Variants in SUSD3 observed in about 807,000 individuals in gnomAD.
SUSD3 encodes the protein sushi domain-containing protein 3.
In SUSD3, 18 loss-of-function variants were observed where a neutral mutation model predicts 20.6. The ratio of observed to expected loss-of-function variants is 0.87; its 90% CI spans 0.60 to 1.30. The LOEUF (loss-of-function observed/expected upper bound fraction) is 1.30, where lower values mean the gene tolerates loss of function less well. Among genes scored for constraint, SUSD3 ranks in the 50% most tolerant of loss-of-function variants. SUSD3 has a pLI of 0.00. For synonymous variants in SUSD3, 137 were observed against 141.5 expected, an observed-to-expected ratio of 0.97 and a Z score of 0.23; for missense variants, 306 against 346.9, an observed-to-expected ratio of 0.88 and a Z score of 0.94.
rs1416627663 is a variant in SUSD3, at chr9:93,078,141, C to T, written c.425+148C>T. ...CTGCTGCTCTGGGCCTGCGTCTCCC[C>T]CCCAAGTGCTGCTCCCGGCCCACGC... On this transcript the variant is annotated intron_variant, in intron 3 of 4. Transcript: ENST00000375472. 5 of 1,135,204 alleles carry T rather than the reference C, an allele frequency of 4.4e-6. No individual in the cohort carries two copies. The African/African-American group carries it at 4.6e-5, about 11-fold the overall frequency. The allele number at this position is 1,135,204 out of a possible 1,614,324, so 70.3% of individuals were successfully genotyped here.
Position 93,066,442 on chromosome 9 carries a change from C to T in SUSD3, c.88+7612C>T, listed in dbSNP as rs539770549. ...AGAGACAGGTTTTCACCATATTGGT[C>T]AGGCGGGTCTCAAACTGCTGACCTC... On this transcript the variant is annotated intron_variant, in intron 1 of 4. Transcript: ENST00000375472. 3.4e-4 allele frequency among the ~76,000 whole-genome samples: 52 copies of T among 152,296 alleles called. No individual in the cohort carries two copies. The South Asian group carries it at 9.5e-3, about 28-fold the overall frequency.
At chr9:93,064,768 A>G (rs968174738) in intron 1 of SUSD3, among the ~76,000 whole-genome samples, 5 of 152,138 alleles carry the variant, frequency 3.3e-5, no homozygotes, top group African/African-American at 9.7e-5. Flanking sequence ...TCATCATTTC[A>G]TCCAGTCCTC....
chr9:93,070,204 T>A (rs1173142826), intron 1 of SUSD3, among the ~76,000 whole-genome samples: 1 of 152,244 alleles, frequency 6.6e-6, no homozygotes, highest in Non-Finnish European at 1.5e-5. Flanking sequence ...GTTACAAATA[T>A]AAGAATCTTA....
intron 1 of SUSD3, among the ~76,000 whole-genome samples, chr9:93,066,841 T>G (rs1825735486): frequency 6.6e-6 from 1 of 152,058 alleles, no homozygotes; most frequent in Non-Finnish European, 1.5e-5. Context: ...CCTGAGTAGC[T>G]GGATTACAGG....
chr9:93,081,377 G>A (rs1419049934), intron 4 of SUSD3, among the ~76,000 whole-genome samples: 6 of 152,126 alleles, frequency 3.9e-5, no homozygotes, highest in Non-Finnish European at 8.8e-5. Flanking sequence ...AGTGCACTTG[G>A]TCCCAGCCCT....
intron 1 of SUSD3, among the ~76,000 whole-genome samples, chr9:93,069,734 T>C (rs1298046972): frequency 6.6e-6 from 1 of 152,162 alleles, no homozygotes; most frequent in African/African-American, 2.4e-5. Context: ...TTTCTACATA[T>C]ATACGAAATC....
intron 1 of SUSD3, among the ~76,000 whole-genome samples, chr9:93,060,341 T>C (rs1275996502): frequency 6.6e-6 from 1 of 152,038 alleles, no homozygotes; most frequent in Non-Finnish European, 1.5e-5. Context: ...TGCCCCAGTT[T>C]CCCCACTGTA....
chr9:93,084,988 C>T lies in SUSD3; in HGVS notation c.*241C>T, dbSNP rs1287484627. 1 of 391,808 alleles carries T rather than the reference C, an allele frequency of 2.6e-6. No homozygotes were observed. Among genetic ancestry groups the T allele is most frequent in the Non-Finnish European group, 4.5e-6 (1 of 221,430 alleles). The allele number at this position is 391,808 out of a possible 1,614,324, so 24.3% of individuals were successfully genotyped here. On this transcript the variant is annotated 3_prime_UTR_variant, in exon 5 of 5. Coordinates refer to ENST00000375472, the MANE Select transcript of SUSD3 (RefSeq NM_145006.4). ...TAACGATTTTTATAGTTATGGACTA[C>T]TTGAAACCACTACTGAGGGTAATTT...
intron 1 of SUSD3, among the ~76,000 whole-genome samples, chr9:93,066,833 T>C (rs1051594585): frequency 2.0e-5 from 3 of 152,078 alleles, no homozygotes; most frequent in Non-Finnish European, 2.9e-5. Flanking sequence ...CTCAGCCTCC[T>C]GAGTAGCTGG....
intron 4 of SUSD3, among the ~76,000 whole-genome samples, chr9:93,082,477 C>T (rs1464582706): frequency 1.3e-5 from 2 of 152,030 alleles, no homozygotes; most frequent in African/African-American, 2.4e-5. Context: ...GCCACCATGC[C>T]CAGCTAATTT....
At chr9:93,074,763 T>A (rs1826060462) in intron 1 of SUSD3, among the ~76,000 whole-genome samples, 1 of 151,718 alleles carries the variant, frequency 6.6e-6, no homozygotes, top group Non-Finnish European at 1.5e-5. Context: ...TACAGGCACA[T>A]GCCACCATGC....
intron 3 of SUSD3, among the ~76,000 whole-genome samples, chr9:93,078,633 A>G (rs1370943459): frequency 3.9e-5 from 6 of 152,162 alleles, no homozygotes; most frequent in African/African-American, 1.2e-4. Flanking sequence ...GGGCTGCCAC[A>G]CACGCCCCCT....
intron 1 of SUSD3, among the ~76,000 whole-genome samples, chr9:93,066,473 C>T (rs925487589): frequency 1.3e-5 from 2 of 152,146 alleles, no homozygotes; most frequent in East Asian, 1.9e-4. Context: ...ACCTCATGAT[C>T]CGCCTGCCTC....
intron 1 of SUSD3, among the ~76,000 whole-genome samples, chr9:93,060,571 C>A (rs962235030): frequency 2.6e-4 from 40 of 152,080 alleles, no homozygotes; most frequent in Non-Finnish European, 4.9e-4. Flanking sequence ...GTGGCTCATG[C>A]CTCTAATCCC....
intron 1 of SUSD3, 31 bp from the exon 2 acceptor site, chr9:93,075,753 C>CA (rs755805300): frequency 3.0e-6 from 1 of 334,096 alleles, no homozygotes; most frequent in South Asian, 3.1e-5. Flanking sequence ...CCCCCCCCCC[C>CA]GCCATGCCTC....
chr9:93,082,723 C>G (rs1826469492), intron 4 of SUSD3, among the ~76,000 whole-genome samples: 1 of 152,192 alleles, frequency 6.6e-6, no homozygotes, highest in Non-Finnish European at 1.5e-5. Context: ...ATTGCCCCAC[C>G]TGTGATCCCC....
Position 93,062,263 on chromosome 9 carries a change from C to T in SUSD3, c.88+3433C>T, listed in dbSNP as rs150225806. Among the ~76,000 whole-genome samples, 701 of 152,306 alleles carry T rather than the reference C, an allele frequency of 4.6e-3. 11 individuals are homozygous for T. Among genetic ancestry groups the T allele is most frequent in the African/African-American group, 0.016 (666 of 41,576 alleles). On this transcript the variant is annotated intron_variant, in intron 1 of 4. Coordinates refer to ENST00000375472, the MANE Select transcript of SUSD3 (RefSeq NM_145006.4). Reference sequence around the variant, plus strand: ...GTACCCATTGGTCCTCTCCACCTGCCCCTGAGCCGTGGGAGGGCCAGGCAG... The same window carrying T: ...GTACCCATTGGTCCTCTCCACCTGCTCCTGAGCCGTGGGAGGGCCAGGCAG...
At position 93,071,485 on chromosome 9, in the gene SUSD3, C is replaced by T. The variant is rs188948911; in HGVS notation, c.89-4299C>T. On this transcript the variant is annotated intron_variant, in intron 1 of 4. Coordinates refer to ENST00000375472, the MANE Select transcript of SUSD3 (RefSeq NM_145006.4). ...AGATTCAGCCAATCTAGTCCTTCCACGTTCCTCTGCCTGCTTTTATTCTAG... is the reference window on the plus strand; with the variant it reads ...AGATTCAGCCAATCTAGTCCTTCCATGTTCCTCTGCCTGCTTTTATTCTAG... Among the ~76,000 whole-genome samples the T allele has an allele frequency of 2.8e-3, 428 of 152,298 alleles. 1 individual carries two copies. Among genetic ancestry groups the T allele is most frequent in the African/African-American group, 9.4e-3 (392 of 41,568 alleles).
At chr9:93,081,562 C>T (rs932792467) in intron 4 of SUSD3, among the ~76,000 whole-genome samples, 8 of 152,098 alleles carry the variant, frequency 5.3e-5, no homozygotes. Flanking sequence ...CTGTCGTTGC[C>T]ACTCTTACGA....
Sources: gnomAD v4.1 joint callset for allele counts (sites outside exome capture counted in the v4.1 genomes callset) on GRCh38, gnomAD v4.1.1 for gene constraint, MANE v1.5 for transcripts, NCBI Gene and HGNC (gene_info 2026-07-23, HGNC 2026-07-21) for gene names.